Variants in PCDHA9 observed in about 807,000 individuals in gnomAD.
The protein encoded by PCDHA9 is protocadherin alpha 9, also known as protocadherin alpha-9.
Under a neutral mutation model 62.0 loss-of-function variants are expected in PCDHA9, and 62 were observed. That is an observed-to-expected ratio of 1.00 (90% CI 0.81 to 1.23). The LOEUF (loss-of-function observed/expected upper bound fraction) is 1.23. Among genes scored for constraint, PCDHA9 ranks in the 50% most tolerant of loss-of-function variants. The probability of loss-of-function intolerance (pLI) is 0.00; values close to 1 mark genes in which losing one functional copy is unlikely to be tolerated. For missense variants in PCDHA9, 1,205 were observed against 1,249.8 expected, an observed-to-expected ratio of 0.96 and a Z score of 0.54; for synonymous variants, 557 against 567.6, an observed-to-expected ratio of 0.98 and a Z score of 0.27.
At chr5:140,869,044 C>T (rs2050811433) in intron 1 of PCDHA9, 1 of 1,530,006 alleles carries the variant, frequency 6.5e-7, no homozygotes, top group Non-Finnish European at 8.8e-7. Flanking sequence ...TAACCTGAAA[C>T]TGAAGAATCT....
chr5:140,884,241 C>G lies in PCDHA9; in HGVS notation c.2394+33352C>G, dbSNP rs782355331. 3.7e-6 allele frequency: 6 copies of G among 1,613,408 alleles called. No homozygotes were observed. The South Asian group carries it at 4.4e-5, about 12-fold the overall frequency. ...CTGGTGAAGGACCACGGTGAGCCCG[C>G]GCTGACGGCCACGGCAACGGTGCTG... On this transcript the variant is annotated intron_variant, in intron 1 of 3. Coordinates refer to ENST00000532602, the MANE Select transcript of PCDHA9 (RefSeq NM_031857.2).
At chr5:140,926,789 G>C in intron 1 of PCDHA9, 1 of 1,432,318 alleles carries the variant, frequency 7.0e-7, no homozygotes, top group Non-Finnish European at 9.1e-7. Context: ...CGGCCGGCAG[G>C]AGCGTGCTCT....
At chr5:140,991,754 G>A (rs1554252407) in intron 3 of PCDHA9, among the ~76,000 whole-genome samples, 2 of 152,034 alleles carry the variant, frequency 1.3e-5, no homozygotes, top group African/African-American at 4.8e-5. Context: ...TTTCTATCAT[G>A]CTCTTCAAAA....
At chr5:140,971,434 A>T (rs1243393478) in intron 1 of PCDHA9, among the ~76,000 whole-genome samples, 1 of 152,188 alleles carries the variant, frequency 6.6e-6, no homozygotes, top group Non-Finnish European at 1.5e-5. Flanking sequence ...GAACCCCAAG[A>T]TCTACAGCTC....
At chr5:140,874,317 A>G (rs1423586280) in intron 1 of PCDHA9, among the ~76,000 whole-genome samples, 2 of 151,836 alleles carry the variant, frequency 1.3e-5, no homozygotes, top group Admixed American at 1.3e-4. Flanking sequence ...GAGTTGTAGG[A>G]TCTTATCTGT....
intron 1 of PCDHA9, among the ~76,000 whole-genome samples, chr5:140,937,993 G>A (rs1554211932): frequency 6.6e-6 from 1 of 151,358 alleles, no homozygotes. Flanking sequence ...TGTTAACTTT[G>A]TATCCAATGT....
chr5:140,941,185 C>CT (rs782102770), intron 1 of PCDHA9, among the ~76,000 whole-genome samples: 18 of 102,242 alleles, frequency 1.8e-4, no homozygotes, highest in East Asian at 3.7e-4. Flanking sequence ...CATCCTGCTT[C>CT]TTTTTTTTTC....
chr5:140,957,763 T>C (rs1375605810), intron 1 of PCDHA9, among the ~76,000 whole-genome samples: 1 of 152,100 alleles, frequency 6.6e-6, no homozygotes, highest in Non-Finnish European at 1.5e-5. Context: ...TCATTATATA[T>C]GTTAAGTAAA....
intron 3 of PCDHA9, among the ~76,000 whole-genome samples, chr5:140,990,585 T>C (rs2097401437): frequency 6.6e-6 from 1 of 152,204 alleles, no homozygotes; most frequent in Non-Finnish European, 1.5e-5. Flanking sequence ...TCTTTTCCTA[T>C]AATCACCTGG....
At chr5:140,881,953 T>G in intron 1 of PCDHA9, 1 of 335,146 alleles carries the variant, frequency 3.0e-6, no homozygotes, top group Non-Finnish European at 5.4e-6. Context: ...AAGGTAAACA[T>G]TTAATCTTCA....
At chr5:140,976,929 A>G (rs1289479026) in intron 1 of PCDHA9, among the ~76,000 whole-genome samples, 2 of 152,234 alleles carry the variant, frequency 1.3e-5, no homozygotes, top group South Asian at 2.1e-4. Flanking sequence ...AGTACTGTGT[A>G]GCTACTTAAA....
Position 140,862,663 on chromosome 5 carries a change from G to A in PCDHA9, c.2394+11774G>A, listed in dbSNP as rs1181876695. ...CACAGTGTCCGCGCGGGACCGGGAC[G>A]CGCAGGAGAACGTGCTGGTGTCCTA... On this transcript the variant is annotated intron_variant, in intron 1 of 3. Coordinates refer to ENST00000532602, the MANE Select transcript of PCDHA9 (RefSeq NM_031857.2). The A allele has an allele frequency of 1.5e-5, 8 of 547,042 alleles. No individual in the cohort carries two copies. In the East Asian group the frequency reaches 4.0e-4, roughly 27 times the overall value. The allele number at this position is 547,042 out of a possible 1,614,324, so 33.9% of individuals were successfully genotyped here.
intron 1 of PCDHA9, among the ~76,000 whole-genome samples, chr5:140,941,185 C>CTT (rs782102770): frequency 2.0e-5 from 2 of 102,242 alleles, no homozygotes; most frequent in East Asian, 7.3e-4. Context: ...CATCCTGCTT[C>CTT]TTTTTTTTTC....
intron 1 of PCDHA9, chr5:140,859,968 T>A (rs1262644180): frequency 6.6e-6 from 1 of 151,956 alleles, no homozygotes; most frequent in Non-Finnish European, 1.5e-5. Flanking sequence ...AAGTCTCAGG[T>A]ATACAAGTGC....
chr5:140,864,892 A>G (rs1240811455), intron 1 of PCDHA9: 4 of 152,184 alleles, frequency 2.6e-5, no homozygotes, highest in African/African-American at 4.8e-5. Flanking sequence ...ATTAAGCTGC[A>G]TGGTCTTCAG....
At chr5:140,950,073 G>T (rs2094447306) in intron 1 of PCDHA9, among the ~76,000 whole-genome samples, 1 of 151,672 alleles carries the variant, frequency 6.6e-6, no homozygotes, top group Non-Finnish European at 1.5e-5. Flanking sequence ...CTGTGCCATT[G>T]CTTATGCTAT....
At chr5:140,917,325 G>A (rs2078036694) in intron 1 of PCDHA9, among the ~76,000 whole-genome samples, 2 of 131,364 alleles carry the variant, frequency 1.5e-5, no homozygotes, top group East Asian at 2.1e-4. Context: ...TTCATGTGGC[G>A]GGGGAGGGGG....
chr5:140,883,640 C>G (rs143631680), intron 1 of PCDHA9: 2 of 1,613,958 alleles, frequency 1.2e-6, no homozygotes, highest in Non-Finnish European at 1.7e-6. Context: ...GTTCGCGCAG[C>G]CCGAGTACAC....
At position 140,850,115 on chromosome 5, in the gene PCDHA9, G is replaced by A. The variant is rs2150468444; in HGVS notation, c.1620G>A (p.Ala540=). 1.1e-5 allele frequency: 17 copies of A among 1,595,978 alleles called. No individual in the cohort carries two copies. The highest frequency in any genetic ancestry group is 1.5e-5 in the Non-Finnish European group (17 of 1,167,862). Residue 540 remains alanine (A), a synonymous_variant, in exon 1 of 4, where the codon GCG becomes GCA. Transcript: ENST00000532602. ...LLQFQVSARD[A]GVPPLGSNVT... is the part of the protein sequence containing the mutation. ...AGTTCCAGGTGAGCGCGCGCGACGC[G>A]GGCGTGCCGCCTCTGGGCAGCAACG...
Sources: allele counts gnomAD v4.1 joint callset (sites outside exome capture counted in the v4.1 genomes callset), GRCh38; gene constraint gnomAD v4.1.1; transcripts MANE v1.5; gene names NCBI Gene and HGNC (gene_info 2026-07-23, HGNC 2026-07-21).